The following PPAN variants were observed in gnomAD, a reference collection of about 807,000 sequenced individuals.
The protein encoded by PPAN is peter pan homolog.
Under a neutral mutation model 48.5 loss-of-function variants are expected in PPAN, and 39 were observed. The observed-to-expected ratio is 0.80, with a 90% CI of 0.62 to 1.05. PPAN has a LOEUF of 1.05. Ranked by LOEUF, PPAN falls within the 50% of genes least tolerant of loss-of-function variation. The pLI is 0.00. For missense variants in PPAN, 736 were observed against 661.7 expected (o/e 1.11, Z -1.23); for synonymous variants, 315 against 268.6 (o/e 1.17, Z -1.69).
intron 2 of PPAN, chr19:10,107,105 T>C (rs965925057): frequency 5.0e-5 from 21 of 423,974 alleles, no homozygotes; most frequent in Middle Eastern, 6.8e-4. Flanking sequence ...GAGGATTCCT[T>C]GAGCCCAGGA....
At chr19:10,106,863 A>T in intron 2 of PPAN, 192 bp downstream of exon 2, 1 of 924,838 alleles carries the variant, frequency 1.1e-6, no homozygotes, top group Non-Finnish European at 1.6e-6. Context: ...AGCTTGGGAG[A>T]TAGATAGTCG....
At position 10,109,661 on chromosome 19, in the gene PPAN, C is replaced by G. The variant is rs1169018559; in HGVS notation, c.544C>G (p.Leu182Val). Residue 182 changes from leucine to valine, a missense_variant, in exon 6 of 12, where the codon CTC becomes GTC. By Grantham distance (32) the Leu-to-Val change is conservative. Coordinates refer to ENST00000253107, the MANE Select transcript of PPAN (RefSeq NM_020230.7). ...CCTGAACACCATCAAGCGCTGCCTC[C>G]TCATCGACTACAACCCCGACTCCCA... ...VNLNTIKRCL[L>V]IDYNPDSQEL... The G allele has an allele frequency of 1.2e-6, 2 of 1,614,048 alleles. No homozygotes were observed. The highest frequency in any genetic ancestry group is 2.2e-5 in the East Asian group (1 of 44,882).
chr19:10,108,352 C>T (rs1040006897), intron 5 of PPAN, among the ~76,000 whole-genome samples: 1 of 152,180 alleles, frequency 6.6e-6, no homozygotes, highest in Non-Finnish European at 1.5e-5. Context: ...TGCACCTTTT[C>T]CAGCCGGTGG....
chr19:10,109,531 G>T, intron 5 of PPAN, 100 bp from the exon 6 acceptor site: 1 of 1,349,300 alleles, frequency 7.4e-7, no homozygotes, highest in South Asian at 1.4e-5. Flanking sequence ...TTTCTAGCCA[G>T]TGCCACAGTC....
intron 5 of PPAN, among the ~76,000 whole-genome samples, chr19:10,109,000 C>T (rs1217460422): frequency 4.8e-5 from 7 of 144,664 alleles, no homozygotes; most frequent in African/African-American, 1.3e-4. Flanking sequence ...CTTGCTCTGT[C>T]TCCCAGGCTG....
In PPAN at chr19:10,110,501, G is replaced by A; in HGVS notation, c.918G>A (p.Glu306=). Reference sequence around the variant, plus strand: ...TTGGCTCAGTGAGCAAGACGGAGGAGGAGCTGCAGGCCATCCTGGAAGCCA... The same window carrying A: ...TTGGCTCAGTGAGCAAGACGGAGGAAGAGCTGCAGGCCATCCTGGAAGCCA... ...MFHSFVSKTE[E]ELQAILEAKE... is the part of the protein sequence containing the mutation. The change falls in exon 10 of 12, where the codon GAG becomes GAA. Residue 306 remains glutamate, a synonymous_variant. Coordinates refer to ENST00000253107, the MANE Select transcript of PPAN (RefSeq NM_020230.7). The surrounding 1 kb of genome is among the most constrained non-coding windows in gnomAD (Gnocchi z 5.9). 6.2e-7 allele frequency: 1 copy of A among 1,612,646 alleles called. No homozygotes were observed. Among genetic ancestry groups the A allele is most frequent in the South Asian group, 1.1e-5 (1 of 91,048 alleles).
In PPAN at chr19:10,106,505, G is replaced by T; in HGVS notation, c.23G>T (p.Arg8Leu). MGQSGRS[R>L]HQKRARAQAQ... ...CTTTGTCTCTCGTCGCCGCAGTCCC[G>T]GCACCAGAAGCGCGCCCGCGCCCAG... Residue 8 changes from arginine (R) to leucine (L), a missense_variant, in exon 2 of 12, where the codon CGG becomes CTG. Transcript: ENST00000253107. The T allele has an allele frequency of 6.4e-7, 1 of 1,551,066 alleles. No homozygotes were observed. Among genetic ancestry groups the T allele is most frequent in the Non-Finnish European group, 8.7e-7 (1 of 1,147,110 alleles).
At chr19:10,107,011 AC>A (rs1419523923) in intron 2 of PPAN, 1 of 600,254 alleles carries the variant, frequency 1.7e-6, no homozygotes, top group East Asian at 3.6e-5. Context: ...GCATGGTGAA[AC>A]CCCGTCTTTA....
intron 2 of PPAN, among the ~76,000 whole-genome samples, chr19:10,107,247 T>C (rs1436527663): frequency 1.3e-5 from 2 of 152,212 alleles, no homozygotes; most frequent in Non-Finnish European, 2.9e-5. Flanking sequence ...TTCTCCCCAG[T>C]ATCTGATGCA....
intron 3 of PPAN, 76 bp from the exon 4 acceptor site, chr19:10,107,728 A>G: frequency 6.2e-7 from 1 of 1,611,262 alleles, no homozygotes; most frequent in Non-Finnish European, 8.5e-7. Flanking sequence ...TCTGAAGAAG[A>G]GATGGGGCAA....
chr19:10,106,737 G>A (rs2088841836), intron 2 of PPAN, 66 bp downstream of exon 2: 3 of 1,472,362 alleles, frequency 2.0e-6, no homozygotes, highest in Non-Finnish European at 2.7e-6. Flanking sequence ...TGCAGTAATG[G>A]CTCCCGCTGT....
Position 10,109,949 on chromosome 19 carries a change from G to T in PPAN, c.627G>T (p.Gly209=), listed in dbSNP as rs1272764184. The T allele has an allele frequency of 1.2e-6, 2 of 1,614,118 alleles. No individual in the cohort carries two copies. Among genetic ancestry groups the T allele is most frequent in the African/African-American group, 1.3e-5 (1 of 75,056 alleles). Residue 209 remains glycine (G), a synonymous_variant, in exon 7 of 12, where the codon GGG becomes GGT. Transcript: ENST00000253107. The part of the protein sequence containing the change: ...IKVVPVGASR[G]MKKLLQEKFP... ...TTGTTCCTGTGGGCGCGAGTCGCGG[G>T]ATGAAGAAGCTGCTCCAGGAGAAGT...
Position 10,111,662 on chromosome 19 carries a change from G to A in PPAN, c.*497G>A. 6.2e-7 allele frequency: 1 copy of A among 1,610,844 alleles called. No homozygotes were observed. The highest frequency in any genetic ancestry group is 8.5e-7 in the Non-Finnish European group (1 of 1,177,962). On this transcript the variant is annotated 3_prime_UTR_variant, in exon 12 of 12. Transcript: ENST00000253107. ...GGGCAGGGCCCACTAAGCCACTGGT[G>A]ACTGGGGGAGGGGCTGGGGAACTGG...
intron 2 of PPAN, among the ~76,000 whole-genome samples, chr19:10,107,283 G>A (rs1016092796): frequency 6.6e-6 from 1 of 152,194 alleles, no homozygotes; most frequent in Non-Finnish European, 1.5e-5. Context: ...CTGGGCCTGA[G>A]TTCGCTCATT....
rs1462700434 is a variant in PPAN, at chr19:10,107,987, C to G, written c.366C>G (p.Val122=). Residue 122 remains valine (V), a synonymous_variant, in exon 5 of 12, where the codon GTC becomes GTG. Transcript: ENST00000253107. ...AGTACTCGCTGGTGCGTGATGTGGT[C>G]TCCTCACTGCGCCGGCACCGCATGC... The part of the protein sequence containing the change: ...VKKYSLVRDV[V]SSLRRHRMHE... 6.2e-7 allele frequency: 1 copy of G among 1,609,208 alleles called. No homozygotes were observed. The highest frequency in any genetic ancestry group is 8.5e-7 in the Non-Finnish European group (1 of 1,177,288).
intron 2 of PPAN, chr19:10,106,908 C>T (rs921820987): frequency 4.3e-6 from 3 of 702,346 alleles, no homozygotes; most frequent in Non-Finnish European, 7.1e-6. Flanking sequence ...AATCTGGAGC[C>T]GGGCGTGGTG....
intron 5 of PPAN, among the ~76,000 whole-genome samples, chr19:10,109,194 C>T (rs908042557): frequency 6.6e-5 from 10 of 151,982 alleles, no homozygotes; most frequent in East Asian, 5.8e-4. Context: ...GATCTGACCT[C>T]GTGAGCTGCC....
At chr19:10,107,935 GTCACCCCC>G in intron 4 of PPAN, 21 bp from the exon 5 acceptor site, 1 of 1,598,810 alleles carries the variant, frequency 6.3e-7, no homozygotes, top group South Asian at 1.1e-5. Flanking sequence ...GTGGTTGGTG[GTCACCCCC>G]TCCTCTCTCC....
Position 10,110,973 on chromosome 19 carries a change from G to A in PPAN, c.1230G>A (p.Arg410=). ...EDLFPEAKQK[R]LAKSPGRKRK... ...TGTTCCCCGAGGCCAAGCAGAAACG[G>A]CTTGCCAAGTCTCCAGGGCGGAAGC... The change falls in exon 12 of 12, where the codon CGG becomes CGA. Residue 410 remains arginine (R), a synonymous_variant. Transcript: ENST00000253107. This position sits in a 1 kb window ranked among gnomAD's most constrained non-coding sequence, Gnocchi z 5.9. 6.2e-7 allele frequency: 1 copy of A among 1,613,346 alleles called. No individual in the cohort carries two copies. Among genetic ancestry groups the A allele is most frequent in the Non-Finnish European group, 8.5e-7 (1 of 1,179,970 alleles).
Sources: allele counts gnomAD v4.1 joint callset (sites outside exome capture counted in the v4.1 genomes callset), GRCh38; gene constraint gnomAD v4.1.1; non-coding constraint Gnocchi (gnomAD v3.1); transcripts MANE v1.5; gene names NCBI Gene and HGNC (gene_info 2026-07-23, HGNC 2026-07-21).